LDB2: variants seen among roughly 807,000 people sequenced by gnomAD.
The protein encoded by LDB2 is LIM domain binding 2, also known as LIM domain-binding protein 2.
Under a neutral mutation model 44.3 loss-of-function variants are expected in LDB2, and 12 were observed. The ratio of observed to expected loss-of-function variants is 0.27; its 90% CI spans 0.17 to 0.44. The LOEUF (loss-of-function observed/expected upper bound fraction) is 0.44. Among genes scored for constraint, LDB2 ranks in the 20% least tolerant of loss-of-function variants. The pLI is 1.00. For synonymous variants in LDB2, 164 were observed against 174.8 expected (o/e 0.94, Z 0.49); for missense variants, 344 against 473.5 (o/e 0.73, Z 2.54).
At chr4:16,592,487 T>C (rs1237446853) in intron 3 of LDB2, among the ~76,000 whole-genome samples, 2 of 134,546 alleles carry the variant, frequency 1.5e-5, no homozygotes, top group Non-Finnish European at 3.2e-5. Context: ...TATATATATA[T>C]ATATATATAT....
intron 1 of LDB2, among the ~76,000 whole-genome samples, chr4:16,874,888 A>G (rs1717903452): frequency 6.6e-6 from 1 of 152,228 alleles, no homozygotes; most frequent in South Asian, 2.1e-4. Context: ...GTGGCACTTG[A>G]CAAAAATTGG....
Position 16,730,355 on chromosome 4 carries a change from A to G in LDB2, c.235+28803T>C, listed in dbSNP as rs186940255. Among the ~76,000 whole-genome samples the G allele has an allele frequency of 4.6e-5, 7 of 152,264 alleles. No individual in the cohort carries two copies. In the East Asian group the frequency reaches 1.2e-3, roughly 25 times the overall value. On this transcript the variant is annotated intron_variant, in intron 2 of 7. Transcript: ENST00000304523. ...CTTTGTATTGTCTGGTCTTTGATTA[A>G]TGCCTGTCTCACCTGTACACTCTAA...
chr4:16,848,156 A>C (rs2110161687), intron 1 of LDB2, among the ~76,000 whole-genome samples: 1 of 152,322 alleles, frequency 6.6e-6, no homozygotes, highest in East Asian at 1.9e-4. Context: ...TATTATATTG[A>C]AAGTAGGGAC....
intron 1 of LDB2, among the ~76,000 whole-genome samples, chr4:16,821,813 T>A (rs537446352): frequency 1.7e-4 from 24 of 144,260 alleles, no homozygotes; most frequent in East Asian, 1.5e-3. Context: ...ATCGCCCAGG[T>A]TCTCTAAGCC....
intron 2 of LDB2, among the ~76,000 whole-genome samples, chr4:16,735,291 C>CA (rs759724158): frequency 2.6e-5 from 4 of 152,092 alleles, no homozygotes; most frequent in Admixed American, 6.5e-5. Flanking sequence ...AAGAGAGGCT[C>CA]AAACCACCTG....
intron 2 of LDB2, among the ~76,000 whole-genome samples, chr4:16,637,236 T>C (rs1733832405): frequency 6.7e-6 from 1 of 148,324 alleles, no homozygotes; most frequent in African/African-American, 2.5e-5. Flanking sequence ...CCACTTAACA[T>C]AAGCAATCCC....
intron 2 of LDB2, among the ~76,000 whole-genome samples, chr4:16,659,092 C>G (rs934240204): frequency 1.8e-4 from 28 of 152,180 alleles, no homozygotes; most frequent in African/African-American, 6.8e-4. Context: ...ACGAGCACCA[C>G]CTGGGGAATG....
chr4:16,537,883 CAG>C (rs1356744395), intron 5 of LDB2, among the ~76,000 whole-genome samples: 1 of 152,228 alleles, frequency 6.6e-6, no homozygotes, highest in African/African-American at 2.4e-5. Context: ...AGGTATAAGA[CAG>C]GGCACTGGCA....
chr4:16,640,154 C>T (rs1033036090), intron 2 of LDB2, among the ~76,000 whole-genome samples: 1 of 152,236 alleles, frequency 6.6e-6, no homozygotes, highest in East Asian at 1.9e-4. Flanking sequence ...ATTACCCAAT[C>T]ATCTGTTTAG....
intron 2 of LDB2, among the ~76,000 whole-genome samples, chr4:16,679,859 C>T (rs1747365755): frequency 6.6e-6 from 1 of 152,230 alleles, no homozygotes; most frequent in Non-Finnish European, 1.5e-5. Flanking sequence ...CTGGATGTAG[C>T]TCAGCCACTT....
chr4:16,804,659 G>C (rs1778451370), intron 1 of LDB2, among the ~76,000 whole-genome samples: 4 of 152,130 alleles, frequency 2.6e-5, no homozygotes, highest in African/African-American at 9.7e-5. Flanking sequence ...GAATTGGTGA[G>C]GACTGTGGCA....
chr4:16,858,841 G>A (rs569539179), intron 1 of LDB2, among the ~76,000 whole-genome samples: 87 of 152,140 alleles, frequency 5.7e-4, no homozygotes, highest in African/African-American at 1.3e-3. Flanking sequence ...AATTCTTTCC[G>A]TATCGTTGCC....
chr4:16,515,033 C>T (rs545585475), intron 5 of LDB2, among the ~76,000 whole-genome samples: 1 of 152,148 alleles, frequency 6.6e-6, no homozygotes, highest in South Asian at 2.1e-4. Flanking sequence ...GTGGAATCAA[C>T]CCAAGTGCCC....
intron 5 of LDB2, among the ~76,000 whole-genome samples, chr4:16,579,737 A>G (rs1369108739): frequency 1.3e-5 from 2 of 152,208 alleles, no homozygotes; most frequent in African/African-American, 4.8e-5. Flanking sequence ...AATGAATTCA[A>G]CTGAGTTTTA....
chr4:16,579,049 A>G (rs1713117665), intron 5 of LDB2, among the ~76,000 whole-genome samples: 1 of 152,222 alleles, frequency 6.6e-6, no homozygotes, highest in Non-Finnish European at 1.5e-5. Flanking sequence ...GGGAAGGGTC[A>G]GGGTGGCGGA....
intron 2 of LDB2, among the ~76,000 whole-genome samples, chr4:16,691,656 A>G (rs965640851): frequency 1.3e-5 from 2 of 152,194 alleles, no homozygotes. Flanking sequence ...ATCAATCTCA[A>G]CTTGGACTAT....
intron 2 of LDB2, among the ~76,000 whole-genome samples, chr4:16,749,477 G>A (rs1765018447): frequency 6.7e-6 from 1 of 148,956 alleles, no homozygotes; most frequent in African/African-American, 2.5e-5. Flanking sequence ...AGAATTGCTT[G>A]AACCTGGGAG....
chr4:16,866,888 C>T (rs758813622), intron 1 of LDB2, among the ~76,000 whole-genome samples: 2 of 152,146 alleles, frequency 1.3e-5, no homozygotes, highest in Non-Finnish European at 2.9e-5. Flanking sequence ...CATAATATCC[C>T]ACACGCTTTT....
chr4:16,548,848 A>G (rs1258939910), intron 5 of LDB2, among the ~76,000 whole-genome samples: 1 of 152,254 alleles, frequency 6.6e-6, no homozygotes, highest in Non-Finnish European at 1.5e-5. Flanking sequence ...CACAAGGAAA[A>G]CAGCAAAGTG....
Sources: allele counts gnomAD v4.1 joint callset (sites outside exome capture counted in the v4.1 genomes callset), GRCh38; gene constraint gnomAD v4.1.1; transcripts MANE v1.5; gene names NCBI Gene and HGNC (gene_info 2026-07-23, HGNC 2026-07-21).